AKAP6: variants seen among roughly 807,000 people sequenced by gnomAD.
AKAP6 encodes the protein A-kinase anchor protein 6.
AKAP6 carries 58 observed loss-of-function variants against 188.5 expected under a neutral mutation model. The ratio of observed to expected loss-of-function variants is 0.31; its 90% CI spans 0.25 to 0.38. AKAP6 has a LOEUF of 0.38. Ranked by LOEUF, AKAP6 falls within the 10% of genes least tolerant of loss-of-function variation. The pLI is 1.00. For synonymous variants in AKAP6, 989 were observed against 998.6 expected, an observed-to-expected ratio of 0.99 and a Z score of 0.18; for missense variants, 2,710 against 2,740.0, an observed-to-expected ratio of 0.99 and a Z score of 0.24.
intron 1 of AKAP6, among the ~76,000 whole-genome samples, chr14:32,339,013 A>G (rs1329890609): frequency 8.5e-5 from 13 of 152,170 alleles, no homozygotes. Flanking sequence ...CATATATATT[A>G]TTTCATTTAA....
chr14:32,538,520 T>C (rs1188319613), intron 3 of AKAP6, among the ~76,000 whole-genome samples: 2 of 152,028 alleles, frequency 1.3e-5, no homozygotes, highest in South Asian at 2.1e-4. Context: ...ATATGAACTT[T>C]ATTCTTTATT....
At chr14:32,792,447 GT>G (rs2033639006) in intron 12 of AKAP6, among the ~76,000 whole-genome samples, 1 of 152,176 alleles carries the variant, frequency 6.6e-6, no homozygotes, top group African/African-American at 2.4e-5. Flanking sequence ...AGGAATGCTT[GT>G]GATTTTTGCA....
rs537091896 is a variant in AKAP6, at chr14:32,710,024, C to G, written c.3000+13914C>G. ...AATCCATATATCTGAGAGGCTTTAA[C>G]AAGCTCCATGGATTTCTCCATCAGG... On this transcript the variant is annotated intron_variant, in intron 9 of 13. Transcript: ENST00000280979. Among the ~76,000 whole-genome samples, 4 of 152,132 alleles carry G rather than the reference C, an allele frequency of 2.6e-5. No individual in the cohort carries two copies. In the East Asian group the frequency reaches 7.7e-4, roughly 29 times the overall value.
chr14:32,782,434 G>C (rs112891812), intron 12 of AKAP6, among the ~76,000 whole-genome samples: 1 of 152,000 alleles, frequency 6.6e-6, no homozygotes, highest in African/African-American at 2.4e-5. Context: ...AATAATTTAA[G>C]ACATGCCATT....
chr14:32,404,950 AAGAG>A (rs376899531), intron 1 of AKAP6, among the ~76,000 whole-genome samples: 217 of 150,528 alleles, frequency 1.4e-3, no homozygotes, highest in African/African-American at 5.1e-3. Context: ...TGGAAGAGAG[AAGAG>A]AGAGAGAGAA....
chr14:32,543,505 A>G (rs887345616), intron 3 of AKAP6, among the ~76,000 whole-genome samples: 5 of 152,202 alleles, frequency 3.3e-5, no homozygotes, highest in African/African-American at 1.2e-4. Context: ...TGTAATAAAC[A>G]TGGGAGTTCA....
rs543675978 is a variant in AKAP6, at chr14:32,462,179, T to TC, written c.324+28366dup. Among the ~76,000 whole-genome samples, 3 of 152,136 alleles carry TC rather than the reference T, an allele frequency of 2.0e-5. No homozygotes were observed. In the South Asian group the frequency reaches 6.2e-4, roughly 32 times the overall value. On this transcript the variant is annotated intron_variant, in intron 2 of 13. Coordinates refer to ENST00000280979, the MANE Select transcript of AKAP6 (RefSeq NM_004274.5). ...CTTCAGGATATTATCCAGGAGAGCT[T>TC]CCCCACCCTAGCAAGACAGGCCCAC...
chr14:32,599,449 G>A lies in AKAP6; in HGVS notation c.2509G>A (p.Glu837Lys), dbSNP rs773848125. Residue 837 changes from glutamate (E) to lysine (K), a missense_variant, in exon 6 of 14, where the codon GAA (glutamate) becomes AAA (lysine). This residue lies in a region of AKAP6 where 2,473 missense variants were observed against 2,426.1 expected (regional missense o/e 1.02). Coordinates refer to ENST00000280979, the MANE Select transcript of AKAP6 (RefSeq NM_004274.5). ...TGTAGACAGTCATTGTGCTCTCAAG[G>A]AAGCTGTGGAGGAGGAAGGACACCA... ...LNVDSHCALK[E>K]AVEEEGHQLL... 10 of 1,613,290 alleles carry A rather than the reference G, an allele frequency of 6.2e-6. No homozygotes were observed. Among genetic ancestry groups the A allele is most frequent in the Non-Finnish European group, 8.5e-6 (10 of 1,179,598 alleles).
chr14:32,388,205 T>G (rs1234184639), intron 1 of AKAP6, among the ~76,000 whole-genome samples: 2 of 152,142 alleles, frequency 1.3e-5, no homozygotes, highest in East Asian at 3.8e-4. Flanking sequence ...CCCATTTTAT[T>G]TCTTATTGAG....
chr14:32,676,784 C>G (rs761280893), intron 7 of AKAP6, among the ~76,000 whole-genome samples: 13 of 152,078 alleles, frequency 8.5e-5, no homozygotes, highest in Non-Finnish European at 1.8e-4. Context: ...TTATAAAAAG[C>G]AACAACATAG....
At chr14:32,709,951 A>G (rs943683020) in intron 9 of AKAP6, among the ~76,000 whole-genome samples, 2 of 151,990 alleles carry the variant, frequency 1.3e-5, no homozygotes, top group Admixed American at 6.6e-5. Context: ...AACCACTTCC[A>G]TCCTCTTTTG....
intron 1 of AKAP6, among the ~76,000 whole-genome samples, chr14:32,345,966 G>A (rs187075012): frequency 2.6e-5 from 4 of 152,312 alleles, no homozygotes; most frequent in Admixed American, 2.6e-4. Context: ...GCTCTCTCAT[G>A]TATTAATGTC....
chr14:32,647,033 C>A (rs955068865), intron 7 of AKAP6, among the ~76,000 whole-genome samples: 1 of 152,102 alleles, frequency 6.6e-6, no homozygotes, highest in Non-Finnish European at 1.5e-5. Context: ...CATTTGAGGG[C>A]ATACCATGTC....
intron 7 of AKAP6, among the ~76,000 whole-genome samples, chr14:32,677,576 AC>A (rs1488144045): frequency 6.6e-6 from 1 of 152,196 alleles, no homozygotes; most frequent in Non-Finnish European, 1.5e-5. Flanking sequence ...GTTCTAGGGA[AC>A]CTGAAAGCCA....
intron 2 of AKAP6, among the ~76,000 whole-genome samples, chr14:32,490,896 A>G (rs1879978847): frequency 6.6e-6 from 1 of 152,248 alleles, no homozygotes; most frequent in Non-Finnish European, 1.5e-5. Flanking sequence ...TCAAGAAATA[A>G]TATAAATTGG....
intron 2 of AKAP6, among the ~76,000 whole-genome samples, chr14:32,447,748 T>A (rs544531800): frequency 4.9e-4 from 74 of 152,296 alleles, no homozygotes; most frequent in African/African-American, 1.8e-3. Flanking sequence ...ATTATGCATC[T>A]CCCTCCATCT....
chr14:32,742,389 TTTC>T (rs1594900468), intron 11 of AKAP6, among the ~76,000 whole-genome samples: 1 of 151,958 alleles, frequency 6.6e-6, no homozygotes, highest in East Asian at 1.9e-4. Flanking sequence ...ATCTTCATTA[TTTC>T]TTTTCTTCTA....
At chr14:32,801,307 A>T (rs2033942335) in intron 12 of AKAP6, among the ~76,000 whole-genome samples, 1 of 151,868 alleles carries the variant, frequency 6.6e-6, no homozygotes, top group African/African-American at 2.4e-5. Flanking sequence ...ATTTCTCTTT[A>T]AAAAATTTAG....
At chr14:32,368,685 G>A (rs1483884688) in intron 1 of AKAP6, among the ~76,000 whole-genome samples, 2 of 152,104 alleles carry the variant, frequency 1.3e-5, no homozygotes, top group Non-Finnish European at 2.9e-5. Context: ...GGGCAGAGAT[G>A]AAGTTGGATA....
Sources: allele counts gnomAD v4.1 joint callset (sites outside exome capture counted in the v4.1 genomes callset), GRCh38; gene constraint gnomAD v4.1.1; regional missense constraint gnomAD v4.1.1; transcripts MANE v1.5; gene names NCBI Gene and HGNC (gene_info 2026-07-23, HGNC 2026-07-21).